The following AP1G1 variants were observed in gnomAD, a reference collection of about 807,000 sequenced individuals.
AP1G1 encodes AP-1 complex subunit gamma-1.
In AP1G1, 7 loss-of-function variants were observed where a neutral mutation model predicts 108.3. The ratio of observed to expected loss-of-function variants is 0.06; its 90% CI spans 0.04 to 0.12. The LOEUF is 0.12. Ranked by LOEUF, AP1G1 falls within the 10% of genes least tolerant of loss-of-function variation. The pLI is 1.00. For missense variants in AP1G1, 756 were observed against 1,010.7 expected, an observed-to-expected ratio of 0.75 and a Z score of 3.42; for synonymous variants, 379 against 353.5, an observed-to-expected ratio of 1.07 and a Z score of -0.81.
At position 71,767,222 on chromosome 16, in the gene AP1G1, A is replaced by AT. The variant is rs2031353309; in HGVS notation, c.643-1639dup. Among the ~76,000 whole-genome samples, 5 of 152,340 alleles carry AT rather than the reference A, an allele frequency of 3.3e-5. No homozygotes were observed. The South Asian group carries it at 1.0e-3, about 32-fold the overall frequency. ...TGGGACACAGAGCACAAATGACTAA[A>AT]TGTTCAGCATACAATTCTTGGAACC... On this transcript the variant is annotated intron_variant, in intron 6 of 22. Coordinates refer to ENST00000299980, the MANE Select transcript of AP1G1 (RefSeq NM_001128.6).
At chr16:71,797,258 T>C (rs2032619578) in intron 1 of AP1G1, among the ~76,000 whole-genome samples, 1 of 152,052 alleles carries the variant, frequency 6.6e-6, no homozygotes, top group African/African-American at 2.4e-5. Context: ...AAGGGTATAA[T>C]TAATGTTGAA....
chr16:71,751,628 G>A (rs1048567146), intron 13 of AP1G1, among the ~76,000 whole-genome samples: 5 of 152,094 alleles, frequency 3.3e-5, no homozygotes, highest in African/African-American at 9.7e-5. Context: ...ACATCCTTCC[G>A]TAAAGCAGAG....
chr16:71,796,893 G>A (rs73584107), intron 1 of AP1G1, among the ~76,000 whole-genome samples: 5,647 of 151,986 alleles, frequency 0.037, 347 homozygotes, highest in African/African-American at 0.13. Flanking sequence ...AAGCAGACTG[G>A]GCACAGTGGC....
In AP1G1 at chr16:71,729,530, T is replaced by C. The variant is rs1351517186; in HGVS notation, c.*3528A>G. On this transcript the variant is annotated 3_prime_UTR_variant, in exon 23 of 23. Coordinates refer to ENST00000299980, the MANE Select transcript of AP1G1 (RefSeq NM_001128.6). ...AGCAACTGTGCAAGCTGCTTCGGCA[T>C]TTCCTTCTGTTAAAGTGTTCCAGGT... 6.6e-6 allele frequency: 1 copy of C among 152,358 alleles called. No homozygotes were observed. Among genetic ancestry groups the C allele is most frequent in the Non-Finnish European group, 1.5e-5 (1 of 68,018 alleles). 9.4% of individuals were successfully genotyped at this position (152,358 alleles called of 1,614,324 possible). A position where few individuals can be genotyped will look rare whatever the true frequency, so the allele number is the denominator to read the frequency against.
At chr16:71,769,952 G>A (rs1329039552) in intron 5 of AP1G1, among the ~76,000 whole-genome samples, 2 of 152,098 alleles carry the variant, frequency 1.3e-5, no homozygotes, top group Non-Finnish European at 2.9e-5. Flanking sequence ...AAAAAGTGAC[G>A]ACCAATACAT....
intron 9 of AP1G1, among the ~76,000 whole-genome samples, chr16:71,763,293 C>T (rs537000129): frequency 6.6e-5 from 10 of 152,236 alleles, no homozygotes; most frequent in African/African-American, 2.4e-4. Context: ...TGTATCTCTT[C>T]AGAGGCACCT....
intron 21 of AP1G1, among the ~76,000 whole-genome samples, chr16:71,738,250 G>A (rs1874273165): frequency 1.3e-5 from 2 of 150,484 alleles, no homozygotes; most frequent in African/African-American, 4.9e-5. Flanking sequence ...TAGTAGAGAC[G>A]GGAGTTTCAC....
rs146039009 is a variant in AP1G1 at position 71,729,785 on chromosome 16, T to C, written c.*3273A>G. On this transcript the variant is annotated 3_prime_UTR_variant, in exon 23 of 23. Transcript: ENST00000299980. ...CTACAAAGTTCATGAACACCCACTT[T>C]TTCCTCTCTAGTTTTCTCAGTTTAG... 5.9e-5 allele frequency: 9 copies of C among 152,766 alleles called. No homozygotes were observed. Among genetic ancestry groups the C allele is most frequent in the African/African-American group, 2.2e-4 (9 of 41,564 alleles). 9.5% of individuals were successfully genotyped at this position (152,766 alleles called of 1,614,324 possible). A position where few individuals can be genotyped will look rare whatever the true frequency, so the allele number is the denominator to read the frequency against.
chr16:71,790,958 C>A (rs983782627), intron 1 of AP1G1, among the ~76,000 whole-genome samples: 1 of 152,156 alleles, frequency 6.6e-6, no homozygotes, highest in Admixed American at 6.5e-5. Context: ...CAGTGGCTCA[C>A]GCCTTTAATG....
intron 5 of AP1G1, among the ~76,000 whole-genome samples, chr16:71,770,863 T>A (rs1005561895): frequency 1.3e-5 from 2 of 152,262 alleles, no homozygotes; most frequent in Non-Finnish European, 2.9e-5. Context: ...ATGAAAATTA[T>A]GGGTAGGCTC....
chr16:71,778,449 G>A (rs985167200), intron 2 of AP1G1, among the ~76,000 whole-genome samples: 6 of 152,068 alleles, frequency 3.9e-5, no homozygotes, highest in Admixed American at 2.0e-4. Flanking sequence ...TTGGGAGGCC[G>A]AGGTGGGTGG....
intron 9 of AP1G1, 47 bp downstream of exon 9, chr16:71,764,303 C>A: frequency 8.4e-7 from 1 of 1,187,236 alleles, no homozygotes; most frequent in South Asian, 1.4e-5. Context: ...GTCAACCATT[C>A]TAAGTGAAAC....
intron 2 of AP1G1, among the ~76,000 whole-genome samples, chr16:71,787,283 G>A (rs569182473): frequency 1.7e-3 from 236 of 138,046 alleles, no homozygotes; most frequent in Non-Finnish European, 2.8e-3. Flanking sequence ...CACGCCACTG[G>A]ACTCCAGCCT....
At chr16:71,769,725 T>A in intron 5 of AP1G1, 26 bp from the exon 6 acceptor site, 3 of 1,574,530 alleles carry the variant, frequency 1.9e-6, no homozygotes, top group Non-Finnish European at 1.7e-6. Flanking sequence ...AAAGGAAAAC[T>A]AAAAATGAGG....
intron 2 of AP1G1, among the ~76,000 whole-genome samples, chr16:71,779,261 C>G (rs1238777794): frequency 1.3e-5 from 2 of 151,908 alleles, no homozygotes; most frequent in Non-Finnish European, 2.9e-5. Context: ...CCCACCCCAC[C>G]CCCGCCAATA....
intron 2 of AP1G1, among the ~76,000 whole-genome samples, chr16:71,785,743 A>G: frequency 6.6e-6 from 1 of 151,522 alleles, no homozygotes; most frequent in East Asian, 1.9e-4. Flanking sequence ...TTAGCCAGGC[A>G]TGGTGGCAGG....
intron 11 of AP1G1, among the ~76,000 whole-genome samples, chr16:71,757,210 G>T (rs1288920534): frequency 1.3e-5 from 2 of 152,056 alleles, no homozygotes; most frequent in African/African-American, 4.8e-5. Context: ...CAGCACTTTG[G>T]GAGGCCAAGG....
In AP1G1 at chr16:71,781,528, A is replaced by AT. The variant is rs543139684; in HGVS notation, c.202-6937dup. Among the ~76,000 whole-genome samples, 11 of 152,320 alleles carry AT rather than the reference A, an allele frequency of 7.2e-5. No individual in the cohort carries two copies. The South Asian group carries it at 2.1e-3, about 29-fold the overall frequency. ...TAATCAGAACCCTAAACTGCTGCTC[A>AT]TGACTGCCATGCCATATATTCTTAC... On this transcript the variant is annotated intron_variant, in intron 2 of 22. Transcript: ENST00000299980.
chr16:71,808,392 T>C (rs1260653199), intron 1 of AP1G1: 2 of 979,606 alleles, frequency 2.0e-6, no homozygotes, highest in Non-Finnish European at 2.7e-6. Flanking sequence ...CGCTGATACG[T>C]GGCTCAGAGA....
Sources: allele counts gnomAD v4.1 joint callset (sites outside exome capture counted in the v4.1 genomes callset), GRCh38; gene constraint gnomAD v4.1.1; transcripts MANE v1.5; gene names NCBI Gene and HGNC (gene_info 2026-07-23, HGNC 2026-07-21).